The following TMEM45A variants were observed in gnomAD, a reference collection of about 807,000 sequenced individuals.
TMEM45A encodes DNA polymerase-transactivated protein 4.
A neutral mutation model predicts 32.0 loss-of-function variants in TMEM45A; 25 were observed. The ratio of observed to expected loss-of-function variants is 0.78; its 90% CI spans 0.57 to 1.09. The LOEUF (loss-of-function observed/expected upper bound fraction) is 1.09, where lower values mean the gene tolerates loss of function less well. Among genes scored for constraint, TMEM45A ranks in the 50% least tolerant of loss-of-function variants. TMEM45A has a pLI of 0.00. For synonymous variants in TMEM45A, 122 were observed against 114.8 expected, an observed-to-expected ratio of 1.06 and a Z score of -0.40; for missense variants, 302 against 325.0, an observed-to-expected ratio of 0.93 and a Z score of 0.54.
At chr3:100,558,713 C>CTCAAAGAAACATCACT in intron 4 of TMEM45A, 124 bp downstream of exon 4, 2 of 981,416 alleles carry the variant, frequency 2.0e-6, no homozygotes, top group Non-Finnish European at 1.5e-6. Context: ...GATCATGGGC[C>CTCAAAGAAACATCACT]TCTGAGAAGT....
At chr3:100,543,801 T>C (rs928379916) in intron 1 of TMEM45A, among the ~76,000 whole-genome samples, 7 of 152,218 alleles carry the variant, frequency 4.6e-5, no homozygotes, top group African/African-American at 1.7e-4. Context: ...AAAACTTTAT[T>C]TATGGTACCA....
chr3:100,509,540 C>T (rs1336952985), intron 1 of TMEM45A, among the ~76,000 whole-genome samples: 1 of 152,156 alleles, frequency 6.6e-6, no homozygotes, highest in African/African-American at 2.4e-5. Context: ...ACCTAAGTGT[C>T]TATCAATGAA....
intron 1 of TMEM45A, among the ~76,000 whole-genome samples, chr3:100,521,415 G>A (rs189530890): frequency 2.6e-5 from 4 of 151,988 alleles, no homozygotes; most frequent in Admixed American, 1.3e-4. Context: ...CACCATGCCC[G>A]GCTAATTTTG....
chr3:100,523,975 T>A (rs1224431660), intron 1 of TMEM45A, among the ~76,000 whole-genome samples: 1 of 152,228 alleles, frequency 6.6e-6, no homozygotes, highest in Non-Finnish European at 1.5e-5. Context: ...AGAATTCTAA[T>A]GGGCAACAGT....
At chr3:100,567,299 A>T (rs1335613691) in intron 4 of TMEM45A, among the ~76,000 whole-genome samples, 1 of 152,020 alleles carries the variant, frequency 6.6e-6, no homozygotes, top group Admixed American at 6.5e-5. Flanking sequence ...CACCCTTGTC[A>T]AAAACCAATT....
At chr3:100,557,550 T>A (rs1449888228) in intron 3 of TMEM45A, among the ~76,000 whole-genome samples, 2 of 70,526 alleles carry the variant, frequency 2.8e-5, no homozygotes, top group African/African-American at 1.4e-4. Flanking sequence ...AAACAAGCAT[T>A]TAATGGTTTT....
intron 4 of TMEM45A, among the ~76,000 whole-genome samples, chr3:100,561,842 C>T (rs1443565518): frequency 6.6e-6 from 1 of 152,200 alleles, no homozygotes; most frequent in African/African-American, 2.4e-5. Context: ...ACTAGTCCCC[C>T]CAGAGATTCC....
intron 2 of TMEM45A, among the ~76,000 whole-genome samples, chr3:100,556,017 G>T (rs1195677365): frequency 6.6e-6 from 1 of 151,864 alleles, no homozygotes; most frequent in Non-Finnish European, 1.5e-5. Context: ...TGGAGTCTCG[G>T]TCTATTGGCC....
chr3:100,513,238 C>T (rs1263893895), intron 1 of TMEM45A, among the ~76,000 whole-genome samples: 1 of 151,860 alleles, frequency 6.6e-6, no homozygotes, highest in East Asian at 1.9e-4. Flanking sequence ...AAAATACTGG[C>T]AAACCGAATC....
intron 1 of TMEM45A, among the ~76,000 whole-genome samples, chr3:100,553,326 C>T (rs1156787156): frequency 6.6e-6 from 1 of 151,974 alleles, no homozygotes; most frequent in African/African-American, 2.4e-5. Context: ...AAATATGTTC[C>T]CTATCATTTA....
rs746341069 is a variant in TMEM45A at position 100,516,981 on chromosome 3, C to T, written c.-4+24053C>T. ...CCCTGCTCCCAGAGAGCTCTGGGCC[C>T]GCATTTTATGGAGAACAGCATCTGC... On this transcript the variant is annotated intron_variant, in intron 1 of 5. Transcript: ENST00000323523. 4.6e-5 allele frequency among the ~76,000 whole-genome samples: 7 copies of T among 152,178 alleles called. No homozygotes were observed. In the South Asian group the frequency reaches 8.3e-4, roughly 18 times the overall value.
chr3:100,526,388 C>T (rs1206494257), intron 1 of TMEM45A, among the ~76,000 whole-genome samples: 3 of 152,182 alleles, frequency 2.0e-5, no homozygotes, highest in Non-Finnish European at 2.9e-5. Flanking sequence ...GCCAGGCATA[C>T]TTGAGTCATC....
chr3:100,504,555 C>A (rs1165711036), intron 1 of TMEM45A, among the ~76,000 whole-genome samples: 2 of 152,182 alleles, frequency 1.3e-5, no homozygotes, highest in African/African-American at 4.8e-5. Flanking sequence ...AAAATAAAAT[C>A]CAGATATTTA....
At chr3:100,561,101 G>T (rs371984058) in intron 4 of TMEM45A, among the ~76,000 whole-genome samples, 2 of 151,978 alleles carry the variant, frequency 1.3e-5, no homozygotes, top group African/African-American at 4.8e-5. Flanking sequence ...TAATACCAGC[G>T]CAAACACACA....
chr3:100,508,123 A>G (rs6441300), intron 1 of TMEM45A, among the ~76,000 whole-genome samples: 70,334 of 151,566 alleles, frequency 0.46, 18,016 homozygotes, highest in African/African-American at 0.69. Flanking sequence ...AGAGAGCCCC[A>G]TGTTCCACAT....
Position 100,527,252 on chromosome 3 carries a change from G to A in TMEM45A, c.-3-27957G>A, listed in dbSNP as rs79295414. 4.4e-3 allele frequency among the ~76,000 whole-genome samples: 665 copies of A among 152,250 alleles called. 5 individuals are homozygous for A. The highest frequency in any genetic ancestry group is 0.015 in the African/African-American group (638 of 41,548). ...AAAGTATTTCAAAAACTCCCTTATG[G>A]TGACTGAAATGTCTATAGATTACTG... is the stretch of plus-strand genomic sequence containing the variant. On this transcript the variant is annotated intron_variant, in intron 1 of 5. Coordinates refer to ENST00000323523, the MANE Select transcript of TMEM45A (RefSeq NM_018004.3).
chr3:100,496,560 G>A (rs1707931442), intron 1 of TMEM45A, among the ~76,000 whole-genome samples: 2 of 152,244 alleles, frequency 1.3e-5, no homozygotes, highest in African/African-American at 4.8e-5. Flanking sequence ...GAAGTACATG[G>A]AAGGAAGATC....
intron 1 of TMEM45A, among the ~76,000 whole-genome samples, chr3:100,521,090 G>A (rs942145537): frequency 1.4e-4 from 21 of 152,248 alleles, no homozygotes; most frequent in South Asian, 4.2e-4. Context: ...AAAGTTTAGC[G>A]CGTGAAGCTC....
chr3:100,562,205 T>TG lies in TMEM45A; in HGVS notation c.588+3616_588+3617insG, dbSNP rs541451649. 3.5e-3 allele frequency among the ~76,000 whole-genome samples: 535 copies of TG among 152,324 alleles called. 2 individuals are homozygous for TG. Among genetic ancestry groups the TG allele is most frequent in the African/African-American group, 0.012 (503 of 41,564 alleles). On this transcript the variant is annotated intron_variant, in intron 4 of 5. Coordinates refer to ENST00000323523, the MANE Select transcript of TMEM45A (RefSeq NM_018004.3). ...ACAAGTTACAGCAAGAAAAACTTTT[T>TG]TTTTTTGCAGATTGAGGTTTTTTTT...
Sources: gnomAD v4.1 joint callset for allele counts (sites outside exome capture counted in the v4.1 genomes callset) on GRCh38, gnomAD v4.1.1 for gene constraint, MANE v1.5 for transcripts, NCBI Gene and HGNC (gene_info 2026-07-23, HGNC 2026-07-21) for gene names.